The following CENPU variants were observed in gnomAD, a reference collection of about 807,000 sequenced individuals.
CENPU encodes centromere protein U, also known as KSHV latent nuclear antigen interacting protein 1.
In CENPU, 46 loss-of-function variants were observed where a neutral mutation model predicts 56.7. The observed-to-expected ratio is 0.81, with a 90% CI of 0.64 to 1.04. The LOEUF (loss-of-function observed/expected upper bound fraction) is 1.04, where lower values mean the gene tolerates loss of function less well. CENPU is among the 50% of genes least tolerant of loss of function. CENPU has a pLI of 0.00. For missense variants in CENPU, 510 were observed against 490.1 expected, an observed-to-expected ratio of 1.04 and a Z score of -0.38; for synonymous variants, 166 against 163.0, an observed-to-expected ratio of 1.02 and a Z score of -0.14.
chr4:184,697,740 G>C lies in CENPU; in HGVS notation c.1050C>G (p.Ser350=), dbSNP rs778419024. 3 of 1,612,624 alleles carry C rather than the reference G, an allele frequency of 1.9e-6. No homozygotes were observed. The highest frequency in any genetic ancestry group is 2.7e-5 in the African/African-American group (2 of 74,822). ...ATAAGAAATATGCTGCATTCCTAAG[G>C]GAAGACTTTCTCTCTTTAAGTTCAT... ...KYDELKERKS[S]LRNAAYFLSN... The change falls in exon 12 of 13, where the codon TCC becomes TCG. Residue 350 remains serine (S), a synonymous_variant. Coordinates refer to ENST00000281453, the MANE Select transcript of CENPU (RefSeq NM_024629.4).
rs1375466252 is a variant in CENPU, at chr4:184,694,216, T to C, written c.*1072A>G. ...TCTTCTGATTTGTCTTCAGCTGGAC[T>C]GTCCACTTGTTAAAAAATTAAATCC... On this transcript the variant is annotated 3_prime_UTR_variant, in exon 13 of 13. Coordinates refer to ENST00000281453, the MANE Select transcript of CENPU (RefSeq NM_024629.4). 1 of 1,080,258 alleles carries C rather than the reference T, an allele frequency of 9.3e-7. No homozygotes were observed. The highest frequency in any genetic ancestry group is 1.1e-6 in the Non-Finnish European group (1 of 889,166). 66.9% of individuals were successfully genotyped at this position (1,080,258 alleles called of 1,614,324 possible).
intron 7 of CENPU, among the ~76,000 whole-genome samples, chr4:184,712,202 G>A (rs930971350): frequency 6.7e-6 from 1 of 150,372 alleles, no homozygotes; most frequent in African/African-American, 2.5e-5. Context: ...ATCAATAAGA[G>A]ACTGGATCAA....
intron 1 of CENPU, among the ~76,000 whole-genome samples, chr4:184,731,288 G>A (rs1579802221): frequency 6.6e-6 from 1 of 152,132 alleles, no homozygotes; most frequent in African/African-American, 2.4e-5. Context: ...TGCTCCATCC[G>A]GTGCCTGGCT....
At chr4:184,701,099 G>GC (rs1314662125) in intron 10 of CENPU, among the ~76,000 whole-genome samples, 5 of 152,152 alleles carry the variant, frequency 3.3e-5, no homozygotes. Flanking sequence ...GAAAAGAAAA[G>GC]CAGGGGTATC....
Position 184,695,073 on chromosome 4 carries a change from A to G in CENPU, c.*215T>C. 1.9e-6 allele frequency: 1 copy of G among 539,046 alleles called. No homozygotes were observed. Among genetic ancestry groups the G allele is most frequent in the Non-Finnish European group, 3.3e-6 (1 of 303,344 alleles). 33.4% of individuals were successfully genotyped at this position (539,046 alleles called of 1,614,324 possible). On this transcript the variant is annotated 3_prime_UTR_variant, in exon 13 of 13. Coordinates refer to ENST00000281453, the MANE Select transcript of CENPU (RefSeq NM_024629.4). ...TGTCAACATTTTAAAATTACTCAAG[A>G]TATTAACCAGAAAAGATGATTATGG...
chr4:184,730,715 C>T (rs1234924514), intron 2 of CENPU, among the ~76,000 whole-genome samples: 2 of 151,980 alleles, frequency 1.3e-5, no homozygotes, highest in African/African-American at 4.8e-5. Flanking sequence ...AAACCAAACT[C>T]GGCTCAGAAA....
At chr4:184,718,174 G>A (rs1056125583) in intron 4 of CENPU, among the ~76,000 whole-genome samples, 6 of 152,178 alleles carry the variant, frequency 3.9e-5, no homozygotes, top group African/African-American at 1.2e-4. Flanking sequence ...CCACAGCTGT[G>A]GGCAGTCTCT....
In CENPU at chr4:184,695,039, C is replaced by T. The variant is rs539917926; in HGVS notation, c.*249G>A. 1.3e-5 allele frequency: 7 copies of T among 524,590 alleles called. No individual in the cohort carries two copies. The highest frequency in any genetic ancestry group is 6.2e-5 in the East Asian group (2 of 32,380). The allele number at this position is 524,590 out of a possible 1,614,324, so 32.5% of individuals were successfully genotyped here. On this transcript the variant is annotated 3_prime_UTR_variant, in exon 13 of 13. Coordinates refer to ENST00000281453, the MANE Select transcript of CENPU (RefSeq NM_024629.4). ...GTTTATTATAGCTCATACCTGGGAC[C>T]GATTAAGGTGTCAACATTTTAAAAT...
intron 1 of CENPU, among the ~76,000 whole-genome samples, chr4:184,731,465 C>CA (rs1330177224): frequency 1.3e-5 from 2 of 152,104 alleles, no homozygotes; most frequent in Non-Finnish European, 2.9e-5. Context: ...CCTCCCTTGA[C>CA]ACTCTCTCAG....
At chr4:184,699,045 A>T (rs929614741) in intron 11 of CENPU, among the ~76,000 whole-genome samples, 1 of 152,174 alleles carries the variant, frequency 6.6e-6, no homozygotes, top group African/African-American at 2.4e-5. Context: ...AACACGTCTC[A>T]GGCTGGGCGC....
intron 1 of CENPU, among the ~76,000 whole-genome samples, chr4:184,731,918 T>C (rs1442113998): frequency 6.6e-6 from 1 of 151,978 alleles, no homozygotes; most frequent in East Asian, 1.9e-4. Flanking sequence ...TGTCTGGAGA[T>C]ACTGTGCACT....
intron 4 of CENPU, among the ~76,000 whole-genome samples, chr4:184,717,609 C>T (rs1432678279): frequency 6.6e-6 from 1 of 152,158 alleles, no homozygotes; most frequent in Non-Finnish European, 1.5e-5. Context: ...GAGATGAAAA[C>T]TCATCTTTTC....
intron 11 of CENPU, among the ~76,000 whole-genome samples, chr4:184,699,249 G>A (rs536631747): frequency 2.2e-4 from 33 of 152,204 alleles, no homozygotes; most frequent in Admixed American, 7.8e-4. Context: ...AGAATAGCGC[G>A]AACCCGGGAG....
intron 8 of CENPU, among the ~76,000 whole-genome samples, chr4:184,702,746 C>T (rs1175144087): frequency 1.3e-5 from 2 of 152,114 alleles, no homozygotes; most frequent in African/African-American, 4.8e-5. Flanking sequence ...CTAGGAGTCC[C>T]CAGTGTCTAT....
At chr4:184,721,325 G>A (rs1761266488) in intron 4 of CENPU, among the ~76,000 whole-genome samples, 1 of 151,842 alleles carries the variant, frequency 6.6e-6, no homozygotes, top group Admixed American at 6.6e-5. Flanking sequence ...CAGGAAGGAA[G>A]AAAAGGAAGA....
chr4:184,717,229 C>G, intron 4 of CENPU, 33 bp from the exon 5 acceptor site: 2 of 1,510,676 alleles, frequency 1.3e-6, no homozygotes, highest in Non-Finnish European at 9.1e-7. Context: ...ATATCTTGTA[C>G]ACATTCCATT....
At chr4:184,715,135 G>A (rs1407248868) in intron 6 of CENPU, among the ~76,000 whole-genome samples, 2 of 152,238 alleles carry the variant, frequency 1.3e-5, no homozygotes, top group Non-Finnish European at 2.9e-5. Flanking sequence ...ACGGTTACCT[G>A]TGTGTATGTT....
At chr4:184,707,311 G>C (rs1394791696) in intron 8 of CENPU, among the ~76,000 whole-genome samples, 3 of 146,814 alleles carry the variant, frequency 2.0e-5, no homozygotes, top group Admixed American at 2.0e-4. Flanking sequence ...GCAGGAAACT[G>C]ACTCCTGCCT....
Position 184,731,059 on chromosome 4 carries a change from C to CA in CENPU, c.48-92dup, listed in dbSNP as rs537727216. ...TATGACCCTTTCCGCGCATTTTTAC[C>CA]AAAAAAAAAAACAAGAACCCATATT... is the stretch of plus-strand genomic sequence containing the variant. On this transcript the variant is annotated intron_variant, in intron 1 of 12. Coordinates refer to ENST00000281453, the MANE Select transcript of CENPU (RefSeq NM_024629.4). The CA allele has an allele frequency of 7.0e-3, 4,719 of 672,288 alleles. 1 individual carries two copies. The highest frequency in any genetic ancestry group is 8.8e-3 in the South Asian group (365 of 41,632). The allele number at this position is 672,288 out of a possible 1,614,324, so 41.6% of individuals were successfully genotyped here.
Sources: gnomAD v4.1 joint callset for allele counts (sites outside exome capture counted in the v4.1 genomes callset) on GRCh38, gnomAD v4.1.1 for gene constraint, MANE v1.5 for transcripts, NCBI Gene and HGNC (gene_info 2026-07-23, HGNC 2026-07-21) for gene names.